Variants in MYO10 observed in about 807,000 individuals in gnomAD.
The protein encoded by MYO10 is myosin X.
In MYO10, 133 loss-of-function variants were observed where a neutral mutation model predicts 257.3. That is an observed-to-expected ratio of 0.52 (90% confidence interval 0.45 to 0.60). The LOEUF is 0.60. Ranked by LOEUF, MYO10 falls within the 20% of genes least tolerant of loss-of-function variation. The pLI, the probability that MYO10 is intolerant of heterozygous loss-of-function variation, is 0.00. For synonymous variants in MYO10, 1,104 were observed against 1,028.6 expected (o/e 1.07, Z -1.40); for missense variants, 2,399 against 2,635.7 (o/e 0.91, Z 1.97).
intron 2 of MYO10, among the ~76,000 whole-genome samples, chr5:16,821,333 T>A (rs1580033084): frequency 6.7e-6 from 1 of 149,926 alleles, no homozygotes; most frequent in African/African-American, 2.4e-5. Context: ...AAATCATGTA[T>A]AGCCCAAGTG....
chr5:16,928,848 AAAC>A (rs770299372), intron 1 of MYO10, among the ~76,000 whole-genome samples: 44 of 142,854 alleles, frequency 3.1e-4, no homozygotes, highest in African/African-American at 8.8e-4. Context: ...CCATCTCAAA[AAAC>A]AACAACAACA....
chr5:16,751,305 T>G (rs764013101), intron 19 of MYO10, among the ~76,000 whole-genome samples: 5 of 152,072 alleles, frequency 3.3e-5, no homozygotes, highest in Non-Finnish European at 7.4e-5. Flanking sequence ...TTGCACACAT[T>G]TCACAGAACA....
At chr5:16,739,680 AG>A (rs1261292415) in intron 19 of MYO10, among the ~76,000 whole-genome samples, 49 of 152,302 alleles carry the variant, frequency 3.2e-4, no homozygotes, top group African/African-American at 1.0e-3. Context: ...AAAATGCGAA[AG>A]AATGTTTCAA....
chr5:16,796,474 A>AAAGAAAGAAAGAAAGAAAGAAAGAAAG (rs1276170429), intron 3 of MYO10, among the ~76,000 whole-genome samples: 23 of 130,094 alleles, frequency 1.8e-4, no homozygotes, highest in East Asian at 2.6e-4. Context: ...GAAAGAAAAG[A>AAAGAAAGAAAGAAAGAAAGAAAGAAAG]AAAGAAAAGA....
intron 1 of MYO10, among the ~76,000 whole-genome samples, chr5:16,892,672 T>C (rs536779196): frequency 6.6e-6 from 1 of 152,106 alleles, no homozygotes; most frequent in South Asian, 2.1e-4. Flanking sequence ...AAAGATGCCA[T>C]AGGTCTTCAA....
intron 2 of MYO10, among the ~76,000 whole-genome samples, chr5:16,868,929 AAAAC>A (rs1299558100): frequency 6.6e-6 from 1 of 152,252 alleles, no homozygotes; most frequent in Non-Finnish European, 1.5e-5. Context: ...CTCCTTGGCA[AAAAC>A]AAACAACAAA....
At chr5:16,820,142 G>A (rs1742754291) in intron 2 of MYO10, among the ~76,000 whole-genome samples, 1 of 152,270 alleles carries the variant, frequency 6.6e-6, no homozygotes, top group African/African-American at 2.4e-5. Context: ...ATTCAAGAGT[G>A]AAGAAACATG....
At chr5:16,861,653 A>C (rs1744113215) in intron 2 of MYO10, among the ~76,000 whole-genome samples, 1 of 152,212 alleles carries the variant, frequency 6.6e-6, no homozygotes, top group African/African-American at 2.4e-5. Context: ...AAGTAACTTC[A>C]AGAGAAAGCA....
intron 1 of MYO10, among the ~76,000 whole-genome samples, chr5:16,909,754 C>T (rs749436380): frequency 1.3e-5 from 2 of 152,028 alleles, no homozygotes; most frequent in African/African-American, 4.8e-5. Context: ...GTGATGGAGG[C>T]GGGCCTGGTG....
At chr5:16,899,763 C>T (rs1458748971) in intron 1 of MYO10, among the ~76,000 whole-genome samples, 5 of 151,920 alleles carry the variant, frequency 3.3e-5, no homozygotes, top group South Asian at 4.2e-4. Flanking sequence ...TCTGGGAGGT[C>T]GAGGCAGGTG....
chr5:16,681,616 A>C, intron 31 of MYO10, 113 bp from the exon 32 acceptor site: 1 of 1,218,074 alleles, frequency 8.2e-7, no homozygotes, highest in South Asian at 1.5e-5. Flanking sequence ...GTTTGCCAGA[A>C]AAAGACCACG....
At chr5:16,737,289 G>A (rs1225771345) in intron 19 of MYO10, among the ~76,000 whole-genome samples, 1 of 152,130 alleles carries the variant, frequency 6.6e-6, no homozygotes, top group African/African-American at 2.4e-5. Context: ...ACTGACAAAT[G>A]AAGCATCTGG....
At chr5:16,720,994 T>G (rs1241444829) in intron 19 of MYO10, among the ~76,000 whole-genome samples, 1 of 152,216 alleles carries the variant, frequency 6.6e-6, no homozygotes. Context: ...AGAGAGGATT[T>G]AAAATATTAG....
intron 1 of MYO10, among the ~76,000 whole-genome samples, chr5:16,924,672 T>C (rs927063763): frequency 6.6e-6 from 1 of 152,136 alleles, no homozygotes; most frequent in Admixed American, 6.6e-5. Flanking sequence ...CAGACTACTC[T>C]TGGACCCTCA....
At chr5:16,824,379 G>A (rs890757785) in intron 2 of MYO10, among the ~76,000 whole-genome samples, 2 of 152,026 alleles carry the variant, frequency 1.3e-5, no homozygotes, top group African/African-American at 2.4e-5. Flanking sequence ...AGAGGAGAAG[G>A]GTGCTACCTG....
Position 16,683,908 on chromosome 5 carries a change from A to C in MYO10, c.4018T>G (p.Ser1340Ala). 6.2e-7 allele frequency: 1 copy of C among 1,613,836 alleles called. No homozygotes were observed. Among genetic ancestry groups the C allele is most frequent in the South Asian group, 1.1e-5 (1 of 90,996 alleles). The change falls in exon 30 of 41, where the codon TCT becomes GCT. Residue 1340 changes from serine (S) to alanine (A), a missense_variant. Ser to Ala is a moderately conservative substitution (Grantham distance 99, BLOSUM62 1). Transcript: ENST00000513610. ...VGTLDVGLIDSVCASDSPDRP... is the reference protein window; with the variant it reads ...VGTLDVGLIDAVCASDSPDRP... ...TCAGGGCTGTCAGAGGCACACACAG[A>C]ATCAATCAGCCCCACATCCAAGGTG... is the stretch of plus-strand genomic sequence containing the variant.
intron 39 of MYO10, 108 bp downstream of exon 39, chr5:16,670,418 G>A: frequency 1.0e-6 from 1 of 997,560 alleles, no homozygotes; most frequent in Non-Finnish European, 1.5e-6. Context: ...AAGAGGTTGA[G>A]AGAGCAAAAT....
intron 1 of MYO10, among the ~76,000 whole-genome samples, chr5:16,884,863 T>C (rs991212003): frequency 1.3e-5 from 2 of 152,116 alleles, no homozygotes; most frequent in African/African-American, 4.8e-5. Flanking sequence ...ATCATTCTAG[T>C]TGAGAATCAC....
intron 2 of MYO10, among the ~76,000 whole-genome samples, chr5:16,862,214 T>G (rs1394397487): frequency 6.6e-6 from 1 of 152,178 alleles, no homozygotes; most frequent in Non-Finnish European, 1.5e-5. Context: ...AACACACGTT[T>G]AAAGTTGGAA....
Sources: gnomAD v4.1 joint callset for allele counts (sites outside exome capture counted in the v4.1 genomes callset) on GRCh38, gnomAD v4.1.1 for gene constraint, MANE v1.5 for transcripts, NCBI Gene and HGNC (gene_info 2026-07-23, HGNC 2026-07-21) for gene names.